USP34: variants seen among roughly 807,000 people sequenced by gnomAD.
USP34 encodes the protein ubiquitin carboxyl-terminal hydrolase 34.
A neutral mutation model predicts 460.3 loss-of-function variants in USP34; 70 were observed. The ratio of observed to expected loss-of-function variants is 0.15; its 90% CI spans 0.13 to 0.19. The LOEUF is 0.19. Among genes scored for constraint, USP34 ranks in the 10% least tolerant of loss-of-function variants. The pLI is 1.00. For missense variants in USP34, 3,985 were observed against 4,236.2 expected (o/e 0.94, Z 1.65); for synonymous variants, 1,647 against 1,405.3 (o/e 1.17, Z -3.85).
chr2:61,363,818 T>C (rs985252989), intron 10 of USP34, among the ~76,000 whole-genome samples: 1 of 150,948 alleles, frequency 6.6e-6, no homozygotes, highest in Non-Finnish European at 1.5e-5. Context: ...TGTCCACTGA[T>C]GGATGAATAA....
At chr2:61,267,705 C>T (rs1689093238) in intron 41 of USP34, among the ~76,000 whole-genome samples, 1 of 152,124 alleles carries the variant, frequency 6.6e-6, no homozygotes, top group Non-Finnish European at 1.5e-5. Context: ...GCTCCACCTC[C>T]CGGGTTCATG....
chr2:61,246,670 T>TA (rs144095871), intron 49 of USP34, among the ~76,000 whole-genome samples, 193 bp from the exon 50 acceptor site: 1,793 of 152,304 alleles, frequency 0.012, 33 homozygotes, highest in African/African-American at 0.041. Flanking sequence ...TAGGCACAAA[T>TA]AGTTTATATG....
chr2:61,412,720 T>A (rs1322841599), intron 2 of USP34, among the ~76,000 whole-genome samples: 1 of 151,472 alleles, frequency 6.6e-6, no homozygotes, highest in Non-Finnish European at 1.5e-5. Context: ...GAGACCTCCT[T>A]TCTACAATAA....
At chr2:61,232,783 A>C (rs1407655880) in intron 57 of USP34, among the ~76,000 whole-genome samples, 1 of 151,792 alleles carries the variant, frequency 6.6e-6, no homozygotes, top group East Asian at 1.9e-4. Context: ...CTTTATCATA[A>C]TAAAATATCA....
chr2:61,266,117 C>G lies in USP34; in HGVS notation c.5484G>C (p.Lys1828Asn). 1.9e-6 allele frequency: 3 copies of G among 1,613,656 alleles called. No homozygotes were observed. Among genetic ancestry groups the G allele is most frequent in the Non-Finnish European group, 2.5e-6 (3 of 1,179,686 alleles). The change falls in exon 42 of 80, where the codon AAG becomes AAC. Residue 1828 changes from lysine (K) to asparagine (N), a missense_variant. By Grantham distance (94) the Lys-to-Asn change is moderately conservative (BLOSUM62 0). Around this residue, in one of 14 missense-constraint regions of USP34, gnomAD observed 1,114 missense variants for 1,122.5 expected, o/e 0.99. Transcript: ENST00000398571. ...FNLLFLLPSL[K>N]DRQQPKCKSH... Reference sequence around the variant, plus strand: ...ATTTGCACTTTGGCTGTTGTCGGTCCTTTAGACTTGGCAACAAAAACAGGA... The same window carrying G: ...ATTTGCACTTTGGCTGTTGTCGGTCGTTTAGACTTGGCAACAAAAACAGGA...
chr2:61,430,346 A>C (rs181353223), intron 1 of USP34, among the ~76,000 whole-genome samples: 1 of 152,226 alleles, frequency 6.6e-6, no homozygotes, highest in Admixed American at 6.5e-5. Flanking sequence ...AGAGGTTGCA[A>C]TGAGCCAGGA....
chr2:61,397,284 A>C (rs967976707), intron 3 of USP34, among the ~76,000 whole-genome samples: 1 of 151,690 alleles, frequency 6.6e-6, no homozygotes, highest in Non-Finnish European at 1.5e-5. Flanking sequence ...CTCTACTAAA[A>C]ATACAAAAAT....
chr2:61,357,833 G>T (rs977685988), intron 10 of USP34, among the ~76,000 whole-genome samples: 4 of 152,120 alleles, frequency 2.6e-5, no homozygotes, highest in Admixed American at 2.6e-4. Flanking sequence ...AGCCCAGAAG[G>T]TTAAGATTAC....
At chr2:61,312,931 A>T (rs1342276475) in intron 25 of USP34, among the ~76,000 whole-genome samples, 1 of 152,224 alleles carries the variant, frequency 6.6e-6, no homozygotes, top group African/African-American at 2.4e-5. Flanking sequence ...AAAAGTAAAC[A>T]AATTAAGACA....
At chr2:61,422,048 A>G (rs948305082) in intron 1 of USP34, among the ~76,000 whole-genome samples, 6 of 152,246 alleles carry the variant, frequency 3.9e-5, no homozygotes, top group African/African-American at 1.4e-4. Flanking sequence ...ACCCAAGACC[A>G]GGCTTTTGGG....
intron 10 of USP34, among the ~76,000 whole-genome samples, chr2:61,354,663 C>CT (rs953177625): frequency 3.9e-5 from 6 of 152,232 alleles, no homozygotes; most frequent in Non-Finnish European, 7.4e-5. Flanking sequence ...AAAAGAGTAG[C>CT]TTTTTTTCAC....
At position 61,228,864 on chromosome 2, in the gene USP34, G is replaced by A; in HGVS notation, c.7331C>T (p.Ala2444Val). ...CATTTTTGCAAATTCGTAAAGGAAGGCAAAATACTCTGTAAGATGTTTACT... is the reference window on the plus strand; with the variant it reads ...CATTTTTGCAAATTCGTAAAGGAAGACAAAATACTCTGTAAGATGTTTACT... ...PHSKHLTEYF[A>V]FLYEFAKMGE... is the part of the protein sequence containing the mutation. The change falls in exon 60 of 80, where the codon GCC becomes GTC. Residue 2444 changes from alanine (A) to valine (V), a missense_variant. Transcript: ENST00000398571. The A allele has an allele frequency of 1.2e-6, 2 of 1,603,080 alleles. No homozygotes were observed. Among genetic ancestry groups the A allele is most frequent in the Non-Finnish European group, 8.5e-7 (1 of 1,174,774 alleles).
Position 61,228,832 on chromosome 2 carries a change from C to T in USP34, c.7363G>A (p.Glu2455Lys), listed in dbSNP as rs1158312053. Residue 2455 changes from glutamate (E) to lysine (K), a missense_variant, in exon 60 of 80, where the codon GAA (glutamate) becomes AAA (lysine). By Grantham distance (56) the Glu-to-Lys change is moderately conservative. This residue lies in a region of USP34 where 604 missense variants were observed against 684.8 expected (regional missense o/e 0.88). Coordinates refer to ENST00000398571, the MANE Select transcript of USP34 (RefSeq NM_014709.4). ...TAGACAAGATATAGCCTCACCTCTT[C>T]TTCACCCATTTTTGCAAATTCGTAA... is the stretch of plus-strand genomic sequence containing the variant. ...FLYEFAKMGE[E>K]ESQFLLSLQA... The T allele has an allele frequency of 4.4e-6, 7 of 1,595,848 alleles. No individual in the cohort carries two copies. Among genetic ancestry groups the T allele is most frequent in the Non-Finnish European group, 6.0e-6 (7 of 1,171,304 alleles).
intron 1 of USP34, among the ~76,000 whole-genome samples, chr2:61,445,285 C>A (rs1695078330): frequency 6.7e-6 from 1 of 149,230 alleles, no homozygotes; most frequent in Non-Finnish European, 1.5e-5. Context: ...CCTGTAATCC[C>A]AGCACTTTGG....
chr2:61,376,953 G>C (rs779928716), intron 8 of USP34, among the ~76,000 whole-genome samples: 1 of 152,166 alleles, frequency 6.6e-6, no homozygotes. Flanking sequence ...CAGAGCTGTA[G>C]CTTTATAAAT....
chr2:61,383,129 C>G, intron 6 of USP34, 140 bp downstream of exon 6: 1 of 471,432 alleles, frequency 2.1e-6, no homozygotes. Flanking sequence ...GCATAAAAAA[C>G]ACTATATACC....
intron 23 of USP34, among the ~76,000 whole-genome samples, chr2:61,316,813 G>C (rs1395757627): frequency 6.6e-6 from 1 of 152,024 alleles, no homozygotes; most frequent in Non-Finnish European, 1.5e-5. Flanking sequence ...TAGAACCCGG[G>C]AGGTGGCGGT....
chr2:61,417,042 G>A, intron 2 of USP34: 1 of 1,316,478 alleles, frequency 7.6e-7, no homozygotes, highest in Non-Finnish European at 1.1e-6. Context: ...GGATCTTCTG[G>A]CAGCCGGGGA....
intron 49 of USP34, among the ~76,000 whole-genome samples, 184 bp downstream of exon 49, chr2:61,248,327 T>C (rs1688479200): frequency 6.6e-6 from 1 of 152,006 alleles, no homozygotes; most frequent in Admixed American, 6.6e-5. Flanking sequence ...CCTAGGAACA[T>C]AGTCCTAGTA....
Sources: allele counts gnomAD v4.1 joint callset (sites outside exome capture counted in the v4.1 genomes callset), GRCh38; gene constraint gnomAD v4.1.1; regional missense constraint gnomAD v4.1.1; transcripts MANE v1.5; gene names NCBI Gene and HGNC (gene_info 2026-07-23, HGNC 2026-07-21).